NBEA: variants seen among roughly 807,000 people sequenced by gnomAD.
NBEA encodes lysosomal-trafficking regulator 2.
Under a neutral mutation model 343.4 loss-of-function variants are expected in NBEA, and 44 were observed. That is an observed-to-expected ratio of 0.13 (90% CI 0.10 to 0.16). NBEA has a LOEUF of 0.16. Among genes scored for constraint, NBEA ranks in the 10% least tolerant of loss-of-function variants. The pLI is 1.00. For synonymous variants in NBEA, 1,175 were observed against 1,238.7 expected (o/e 0.95, Z 1.08); for missense variants, 2,555 against 3,631.3 (o/e 0.70, Z 7.62).
chr13:35,568,629 T>C (rs1421239748), intron 45 of NBEA, among the ~76,000 whole-genome samples: 1 of 152,102 alleles, frequency 6.6e-6, no homozygotes, highest in Non-Finnish European at 1.5e-5. Flanking sequence ...TACATGCAGG[T>C]TGAGTATCCT....
chr13:35,359,904 TGTTTA>T (rs1178139130), intron 38 of NBEA, among the ~76,000 whole-genome samples: 3 of 151,864 alleles, frequency 2.0e-5, no homozygotes, highest in Non-Finnish European at 4.4e-5. Flanking sequence ...TCATTACTAT[TGTTTA>T]GTTTTCTGGT....
intron 16 of NBEA, 29 bp downstream of exon 16, chr13:35,118,503 A>G: frequency 6.8e-7 from 1 of 1,480,608 alleles, no homozygotes; most frequent in Non-Finnish European, 9.2e-7. Flanking sequence ...TATTACTATT[A>G]GACTTTAATG....
intron 27 of NBEA, among the ~76,000 whole-genome samples, chr13:35,175,625 A>G (rs927400405): frequency 6.6e-6 from 1 of 152,328 alleles, no homozygotes; most frequent in East Asian, 1.9e-4. Context: ...ATCTGGCAAG[A>G]ACTTTGGCAG....
At chr13:35,501,977 A>ATTT (rs2076908018) in intron 41 of NBEA, among the ~76,000 whole-genome samples, 1 of 152,222 alleles carries the variant, frequency 6.6e-6, no homozygotes. Flanking sequence ...AGAAAAAGGT[A>ATTT]TTTATTTCTA....
At chr13:35,297,597 T>C (rs1281248046) in intron 35 of NBEA, among the ~76,000 whole-genome samples, 2 of 152,028 alleles carry the variant, frequency 1.3e-5, no homozygotes, top group African/African-American at 4.8e-5. Flanking sequence ...CACAGAACTT[T>C]GCAGTTTCGT....
chr13:35,111,552 A>G (rs919659727), intron 13 of NBEA, among the ~76,000 whole-genome samples: 10 of 152,204 alleles, frequency 6.6e-5, no homozygotes, highest in African/African-American at 2.4e-4. Flanking sequence ...TTGCATACAT[A>G]TATAAAAATA....
chr13:34,974,049 G>C (rs573974584), intron 1 of NBEA, among the ~76,000 whole-genome samples: 1 of 152,148 alleles, frequency 6.6e-6, no homozygotes, highest in Non-Finnish European at 1.5e-5. Context: ...GCAAAGATCC[G>C]TGGGAGAAGC....
intron 1 of NBEA, among the ~76,000 whole-genome samples, chr13:34,980,748 G>C (rs1240651322): frequency 2.0e-5 from 3 of 152,040 alleles, no homozygotes. Context: ...TTAGCTATAG[G>C]AGTTTGTAGA....
intron 39 of NBEA, 132 bp downstream of exon 39, chr13:35,432,525 C>A: frequency 1.3e-6 from 1 of 783,276 alleles, no homozygotes; most frequent in Non-Finnish European, 1.8e-6. Context: ...TTTTGTTCTG[C>A]TTTATCCTTC....
At chr13:35,318,393 T>C (rs2037894086) in intron 36 of NBEA, among the ~76,000 whole-genome samples, 3 of 152,214 alleles carry the variant, frequency 2.0e-5, no homozygotes, top group Admixed American at 6.5e-5. Context: ...GTTTATGTAA[T>C]GGATTACATT....
At chr13:35,145,110 T>G (rs555235765) in intron 18 of NBEA, among the ~76,000 whole-genome samples, 1 of 152,330 alleles carries the variant, frequency 6.6e-6, no homozygotes, top group Non-Finnish European at 1.5e-5. Context: ...TTTATTACTG[T>G]GCAAACCCCT....
intron 10 of NBEA, among the ~76,000 whole-genome samples, chr13:35,071,370 C>T (rs1382222380): frequency 2.6e-5 from 4 of 151,830 alleles, no homozygotes; most frequent in African/African-American, 9.7e-5. Context: ...TGTGAGGACT[C>T]AATCTAACCA....
intron 45 of NBEA, among the ~76,000 whole-genome samples, chr13:35,576,122 GT>G (rs376186194): frequency 4.6e-4 from 66 of 143,310 alleles, no homozygotes; most frequent in African/African-American, 9.4e-4. Context: ...TTTTGGTTTG[GT>G]TTTTTTTTTT....
intron 41 of NBEA, among the ~76,000 whole-genome samples, chr13:35,477,394 C>T (rs2075922527): frequency 6.6e-6 from 1 of 152,158 alleles, no homozygotes. Flanking sequence ...TTTCGTACAT[C>T]CCTCTGCCCC....
chr13:35,496,175 A>G (rs375453277), intron 41 of NBEA, among the ~76,000 whole-genome samples: 45 of 151,966 alleles, frequency 3.0e-4, no homozygotes, highest in African/African-American at 1.0e-3. Context: ...TAAAAAAACA[A>G]GGTCTCATTA....
chr13:35,432,586 T>C (rs1196738119), intron 39 of NBEA, among the ~76,000 whole-genome samples, 193 bp downstream of exon 39: 1 of 152,158 alleles, frequency 6.6e-6, no homozygotes, highest in Non-Finnish European at 1.5e-5. Flanking sequence ...AGATTAGATA[T>C]ATTTTTGTAG....
At chr13:35,113,757 G>A (rs2066353400) in intron 13 of NBEA, among the ~76,000 whole-genome samples, 1 of 152,148 alleles carries the variant, frequency 6.6e-6, no homozygotes, top group South Asian at 2.1e-4. Context: ...GGTCTCTGTT[G>A]CACATAGTCA....
intron 38 of NBEA, among the ~76,000 whole-genome samples, chr13:35,384,825 C>A (rs1040966736): frequency 2.1e-4 from 32 of 152,092 alleles, no homozygotes; most frequent in African/African-American, 7.5e-4. Flanking sequence ...CGCGCCCGGC[C>A]TGTTTTTTAA....
intron 49 of NBEA, among the ~76,000 whole-genome samples, chr13:35,632,923 T>C (rs1291595838): frequency 6.7e-6 from 1 of 150,188 alleles, no homozygotes; most frequent in Non-Finnish European, 1.5e-5. Flanking sequence ...ACACATGTCA[T>C]ACCCATCTAA....
Sources: gnomAD v4.1 joint callset for allele counts (sites outside exome capture counted in the v4.1 genomes callset) on GRCh38, gnomAD v4.1.1 for gene constraint, MANE v1.5 for transcripts, NCBI Gene and HGNC (gene_info 2026-07-23, HGNC 2026-07-21) for gene names.